LLGL2: variants seen among roughly 807,000 people sequenced by gnomAD.
The protein encoded by LLGL2 is LLGL2, scribble cell polarity complex component.
A neutral mutation model predicts 123.2 loss-of-function variants in LLGL2; 81 were observed. The ratio of observed to expected loss-of-function variants is 0.66; its 90% CI spans 0.55 to 0.79. LLGL2 has a LOEUF of 0.79. Among genes scored for constraint, LLGL2 ranks in the 30% least tolerant of loss-of-function variants. The pLI, the probability that LLGL2 is intolerant of heterozygous loss-of-function variation, is 0.00. For synonymous variants in LLGL2, 577 were observed against 594.1 expected (o/e 0.97, Z 0.42); for missense variants, 1,273 against 1,414.6 (o/e 0.90, Z 1.61).
intron 1 of LLGL2, among the ~76,000 whole-genome samples, chr17:75,528,178 A>C (rs138337516): frequency 0.22 from 33,591 of 151,772 alleles, 4,090 homozygotes; most frequent in African/African-American, 0.31. Context: ...TGCAGTGGCG[A>C]GATCTCGGCT....
At chr17:75,569,783 A>G (rs1271352718) in intron 14 of LLGL2, among the ~76,000 whole-genome samples, 180 bp from the exon 15 acceptor site, 1 of 146,520 alleles carries the variant, frequency 6.8e-6, no homozygotes, top group Non-Finnish European at 1.5e-5. Flanking sequence ...AGCCTGGGCA[A>G]CAGAGCAAGA....
At chr17:75,574,285 G>A in intron 23 of LLGL2, 25 bp downstream of exon 23, 2 of 1,457,442 alleles carry the variant, frequency 1.4e-6, no homozygotes, top group Non-Finnish European at 1.9e-6. Context: ...AGAGGGTGGG[G>A]CTGGCAGGAG....
At chr17:75,551,866 C>T (rs1032449821) in intron 2 of LLGL2, among the ~76,000 whole-genome samples, 8 of 152,166 alleles carry the variant, frequency 5.3e-5, no homozygotes, top group African/African-American at 1.4e-4. Flanking sequence ...CGGTGGCTCA[C>T]GCCTGTAATC....
Position 75,573,111 on chromosome 17 carries a change from G to A in LLGL2, c.2558G>A (p.Ser853Asn). ...VRRVSVAHFG[S>N]RRAEDYGEHH... Reference sequence around the variant, plus strand: ...CGGGTCAGCGTGGCCCACTTCGGCAGTCGTCGAGCCGAGGACTACGGGGAG... The same window carrying A: ...CGGGTCAGCGTGGCCCACTTCGGCAATCGTCGAGCCGAGGACTACGGGGAG... Residue 853 changes from serine (S) to asparagine (N), a missense_variant, in exon 20 of 26, where the codon AGT (serine) becomes AAT (asparagine). Physicochemically the swap from Ser to Asn is conservative, Grantham distance 46. Coordinates refer to ENST00000392550, the MANE Select transcript of LLGL2 (RefSeq NM_001031803.2). 1.9e-6 allele frequency: 3 copies of A among 1,612,954 alleles called. No individual in the cohort carries two copies. Among genetic ancestry groups the A allele is most frequent in the Non-Finnish European group, 2.5e-6 (3 of 1,179,966 alleles).
intron 1 of LLGL2, among the ~76,000 whole-genome samples, chr17:75,536,026 C>T (rs543059753): frequency 1.3e-5 from 2 of 152,348 alleles, no homozygotes; most frequent in South Asian, 4.1e-4. Context: ...AGGCAGCAAG[C>T]CTTTTGCGGC....
In LLGL2 at chr17:75,569,347, G is replaced by T. The variant is rs200407635; in HGVS notation, c.1581+22G>T. ...GCAGGTAGCAGGCTGGGCTGGGGAG[G>T]GGGAGCTGGGGAGGAGTGGTCGATG... On this transcript the variant is annotated intron_variant, in intron 14 of 25. Transcript: ENST00000392550. 1.9e-5 allele frequency: 30 copies of T among 1,579,860 alleles called. No homozygotes were observed. In the East Asian group the frequency reaches 4.5e-4, roughly 24 times the overall value.
At chr17:75,569,847 C>T in intron 14 of LLGL2, 116 bp from the exon 15 acceptor site, 2 of 1,089,456 alleles carry the variant, frequency 1.8e-6, no homozygotes, top group Non-Finnish European at 1.3e-6. Flanking sequence ...TGGACAGAGG[C>T]CTTTGTCCTT....
intron 2 of LLGL2, among the ~76,000 whole-genome samples, chr17:75,553,856 T>TACTCAAGTGGTGCAGACAAAG: frequency 6.6e-6 from 1 of 152,272 alleles, no homozygotes; most frequent in South Asian, 2.1e-4. Context: ...CCCCAGGAAA[T>TACTCAAGTGGTGCAGACAAAG]ACTCAAGTGG....
intron 1 of LLGL2, among the ~76,000 whole-genome samples, chr17:75,528,912 A>G (rs1317233110): frequency 6.6e-6 from 1 of 152,104 alleles, no homozygotes. Context: ...TAATCCCAAC[A>G]CTTTGGGAGG....
At chr17:75,556,238 G>C in intron 3 of LLGL2, 95 bp downstream of exon 3, 2 of 959,498 alleles carry the variant, frequency 2.1e-6, no homozygotes, top group Non-Finnish European at 3.2e-6. Context: ...GTGGGCTGTT[G>C]GGATAAAATG....
chr17:75,566,137 T>G (rs2055433700), intron 10 of LLGL2, among the ~76,000 whole-genome samples: 1 of 152,196 alleles, frequency 6.6e-6, no homozygotes, highest in African/African-American at 2.4e-5. Flanking sequence ...CTGGGAGGGC[T>G]CTTGGCTTGC....
intron 3 of LLGL2, among the ~76,000 whole-genome samples, chr17:75,556,883 T>C (rs1340304211): frequency 6.6e-6 from 1 of 152,082 alleles, no homozygotes; most frequent in East Asian, 1.9e-4. Flanking sequence ...TTAAAAGTTA[T>C]CAGGGCGTGG....
rs558866727 is a variant in LLGL2, at chr17:75,570,516, G to T, written c.2025+18G>T. 6.4e-7 allele frequency: 1 copy of T among 1,555,892 alleles called. No individual in the cohort carries two copies. Among genetic ancestry groups the T allele is most frequent in the Admixed American group, 1.9e-5 (1 of 52,060 alleles). On this transcript the variant is annotated intron_variant, in intron 16 of 25. Transcript: ENST00000392550. The stretch of plus-strand genomic sequence containing the variant: ...CAGGAGAGGTGAGGCCTGAGGTGAG[G>T]CTGCGGCCGGCCACGCACCCAGGTT...
At chr17:75,567,910 C>A (rs1391450551) in intron 10 of LLGL2, 2 of 318,302 alleles carry the variant, frequency 6.3e-6, no homozygotes, top group Non-Finnish European at 9.1e-6. Flanking sequence ...CACTGTACTC[C>A]AGCCTGGGCG....
intron 25 of LLGL2, 64 bp from the exon 26 acceptor site, chr17:75,574,807 G>T (rs77828821): frequency 0.081 from 129,915 of 1,604,084 alleles, 5,545 homozygotes; most frequent in Middle Eastern, 0.16. Flanking sequence ...TGGGCTCAGC[G>T]TGGGCGGCTG....
chr17:75,535,253 A>G (rs1055607817), intron 1 of LLGL2, among the ~76,000 whole-genome samples: 7 of 152,264 alleles, frequency 4.6e-5, no homozygotes, highest in Admixed American at 6.5e-5. Context: ...AGCCACACTC[A>G]GGCCTCACAC....
intron 8 of LLGL2, 117 bp downstream of exon 8, chr17:75,563,580 C>A: frequency 1.3e-6 from 2 of 1,519,050 alleles, no homozygotes; most frequent in Non-Finnish European, 9.0e-7. Flanking sequence ...TTGTCCAAAG[C>A]CACACAGCAG....
Position 75,563,327 on chromosome 17 carries a change from A to G in LLGL2, c.694-4A>G, listed in dbSNP as rs375193524. The G allele has an allele frequency of 4.0e-5, 64 of 1,612,252 alleles. No individual in the cohort carries two copies. Among genetic ancestry groups the G allele is most frequent in the Non-Finnish European group, 4.0e-5 (47 of 1,179,644 alleles). ...CCCTCTGTCCCTCTCCTCTTCCTCCATAGCAACTGGAGAACATCTGGTGGC... is the reference window on the plus strand; with the variant it reads ...CCCTCTGTCCCTCTCCTCTTCCTCCGTAGCAACTGGAGAACATCTGGTGGC... On this transcript the variant is annotated splice_polypyrimidine_tract_variant and splice_region_variant and intron_variant, in intron 7 of 25. Transcript: ENST00000392550.
At chr17:75,546,594 AGGGCAGGTCCAGCAGACAGG>A (rs1568033081) in intron 2 of LLGL2, among the ~76,000 whole-genome samples, 2 of 52,326 alleles carry the variant, frequency 3.8e-5, no homozygotes, top group Admixed American at 1.5e-4. Context: ...AGACAGGCGG[AGGGCAGGTCCAGCAGACAGG>A]CGGAGGGCAG....
Sources: gnomAD v4.1 joint callset for allele counts (sites outside exome capture counted in the v4.1 genomes callset) on GRCh38, gnomAD v4.1.1 for gene constraint, MANE v1.5 for transcripts, NCBI Gene and HGNC (gene_info 2026-07-23, HGNC 2026-07-21) for gene names.